PRAMEF11: variants seen among roughly 807,000 people sequenced by gnomAD.
PRAMEF11 encodes the protein PRAME family member 11.
PRAMEF11 carries 17 observed loss-of-function variants against 33.6 expected under a neutral mutation model. The ratio of observed to expected loss-of-function variants is 0.51; its 90% CI spans 0.35 to 0.76. The LOEUF (loss-of-function observed/expected upper bound fraction) is 0.76, where lower values mean the gene tolerates loss of function less well. PRAMEF11 is among the 30% of genes least tolerant of loss of function. The pLI is 0.01. For missense variants in PRAMEF11, 568 were observed against 567.0 expected (o/e 1.00, Z -0.02); for synonymous variants, 205 against 227.3 (o/e 0.90, Z 0.88).
Position 12,827,226 on chromosome 1 carries a change from G to A in PRAMEF11, c.875+23C>T, listed in dbSNP as rs537568186. The A allele has an allele frequency of 9.5e-5, 150 of 1,570,686 alleles. 1 individual carries two copies. The African/African-American group carries it at 1.8e-3, about 19-fold the overall frequency. On this transcript the variant is annotated intron_variant, in intron 3 of 3. Transcript: ENST00000619922. ...AACAGGCTCTGCTGTGGTCTGCAGA[G>A]AAAGCTCACCACCCTCCCTCACCTG...
intron 3 of PRAMEF11, among the ~76,000 whole-genome samples, chr1:12,826,705 C>A (rs777815598): frequency 1.3e-5 from 2 of 150,018 alleles, no homozygotes; most frequent in African/African-American, 4.9e-5. Flanking sequence ...GAAGTTGCTG[C>A]GAGCTGAGAT....
intron 1 of PRAMEF11, among the ~76,000 whole-genome samples, chr1:12,830,928 G>T (rs1238413603): frequency 6.7e-6 from 1 of 150,262 alleles, no homozygotes; most frequent in African/African-American, 2.4e-5. Flanking sequence ...GGGAGGTAAA[G>T]GTTGCAGTGA....
chr1:12,831,120 A>T (rs552716901), intron 1 of PRAMEF11, among the ~76,000 whole-genome samples: 1 of 150,596 alleles, frequency 6.6e-6, no homozygotes, highest in Non-Finnish European at 1.5e-5. Flanking sequence ...GGTTAAAGGC[A>T]TGAGTCACTG....
At position 12,825,059 on chromosome 1, in the gene PRAMEF11, C is replaced by T. The variant is rs771228661; in HGVS notation, c.1320G>A (p.Leu440=). The change falls in exon 4 of 4, where the codon CTG becomes CTA. Residue 440 remains leucine, a synonymous_variant. Transcript: ENST00000619922. The part of the protein sequence containing the change: ...WSRFAQIRAE[L]MKKVRHLRHP... ...GCCTTAAGTGCCTCACTTTCTTCAT[C>T]AGCTCAGCCCTAATTTGAGCAAATC... 2 of 1,609,800 alleles carry T rather than the reference C, an allele frequency of 1.2e-6. No individual in the cohort carries two copies. The highest frequency in any genetic ancestry group is 4.5e-5 in the East Asian group (2 of 44,378).
At position 12,827,491 on chromosome 1, in the gene PRAMEF11, C is replaced by G. The variant is rs1331994658; in HGVS notation, c.633G>C (p.Glu211Asp). The G allele has an allele frequency of 4.3e-6, 7 of 1,611,224 alleles. 1 individual carries two copies. Among genetic ancestry groups the G allele is most frequent in the Non-Finnish European group, 5.1e-6 (6 of 1,179,320 alleles). ...GTATCCACTTGCAATTCACTTCCACCTCCTGGATACAGTCTAGGTTCACCA... is the reference window on the plus strand; with the variant it reads ...GTATCCACTTGCAATTCACTTCCACGTCCTGGATACAGTCTAGGTTCACCA... ...LKMVNLDCIQ[E>D]VEVNCKWILP... Residue 211 changes from glutamate (E) to aspartate (D), a missense_variant, in exon 3 of 4, where the codon GAG (glutamate) becomes GAC (aspartate). Glu to Asp is a conservative substitution (Grantham distance 45). Transcript: ENST00000619922.
intron 1 of PRAMEF11, among the ~76,000 whole-genome samples, chr1:12,829,318 CTT>C: frequency 6.7e-6 from 1 of 149,324 alleles, no homozygotes; most frequent in Non-Finnish European, 1.5e-5. Flanking sequence ...TCCCTTCTTT[CTT>C]TCTTTCCTCC....
chr1:12,827,993 G>GTTT (rs35409208), intron 2 of PRAMEF11, among the ~76,000 whole-genome samples, 163 bp from the exon 3 acceptor site: 1 of 144,032 alleles, frequency 6.9e-6, no homozygotes, highest in South Asian at 2.3e-4. Flanking sequence ...ACATTTTTTT[G>GTTT]TTTTTTTTTT....
chr1:12,826,202 C>T (rs1012847915), intron 3 of PRAMEF11, among the ~76,000 whole-genome samples: 1 of 151,154 alleles, frequency 6.6e-6, no homozygotes, highest in Non-Finnish European at 1.5e-5. Flanking sequence ...GCGTCCCTGA[C>T]ACACCTGTAT....
rs535389174 is a variant in PRAMEF11, at chr1:12,827,975, C to T, written c.294-145G>A. Reference sequence around the variant, plus strand: ...ACCCTGTTTTCCCCTTGGATCCTACCCACTTCCACATTTTTTTGTTTTTTT... The same window carrying T: ...ACCCTGTTTTCCCCTTGGATCCTACTCACTTCCACATTTTTTTGTTTTTTT... On this transcript the variant is annotated intron_variant, in intron 2 of 3. Transcript: ENST00000619922. 2.8e-6 allele frequency: 4 copies of T among 1,434,032 alleles called. No homozygotes were observed. The African/African-American group carries it at 6.0e-5, about 21-fold the overall frequency. 88.8% of individuals were successfully genotyped at this position (1,434,032 alleles called of 1,614,324 possible). A position where few individuals can be genotyped will look rare whatever the true frequency, so the allele number is the denominator to read the frequency against.
At position 12,828,452 on chromosome 1, in the gene PRAMEF11, T is replaced by G. The variant is rs567777468; in HGVS notation, c.293+45A>C. On this transcript the variant is annotated intron_variant, in intron 2 of 3. Transcript: ENST00000619922. ...TCACATGACCCAGCTGTTCCTTCAGTTGGACACCTGGGCCCTCCCCACCAG... is the reference window on the plus strand; with the variant it reads ...TCACATGACCCAGCTGTTCCTTCAGGTGGACACCTGGGCCCTCCCCACCAG... 1.5e-4 allele frequency: 228 copies of G among 1,570,272 alleles called. 1 individual carries two copies. In the African/African-American group the frequency reaches 3.0e-3, roughly 21 times the overall value.
At chr1:12,828,922 C>T (rs1404347370) in intron 1 of PRAMEF11, 117 bp from the exon 2 acceptor site, 1 of 1,438,908 alleles carries the variant, frequency 6.9e-7, no homozygotes, top group African/African-American at 1.4e-5. Flanking sequence ...CCTCAGTTTA[C>T]TCCAATTCTA....
intron 1 of PRAMEF11, among the ~76,000 whole-genome samples, chr1:12,829,022 G>T (rs2982098): frequency 0.51 from 72,186 of 141,376 alleles, 20,087 homozygotes; most frequent in African/African-American, 0.78. Flanking sequence ...GGGCCACCAC[G>T]AGCCCTTCCT....
chr1:12,827,659 A>G lies in PRAMEF11; in HGVS notation c.465T>C (p.Leu155=), dbSNP rs575414630. 2 of 1,609,568 alleles carry G rather than the reference A, an allele frequency of 1.2e-6. No homozygotes were observed. The highest frequency in any genetic ancestry group is 2.2e-5 in the South Asian group (2 of 90,452). ...GRQPLTVFVE[L]WLKNRTLDEY... is the part of the protein sequence containing the mutation. ...CATCCAGAGTCCTGTTCTTGAGCCA[A>G]AGTTCTACAAACACAGTCAAGGGCT... Residue 155 remains leucine (L), a synonymous_variant, in exon 3 of 4, where the codon CTT becomes CTC. Coordinates refer to ENST00000619922, the MANE Select transcript of PRAMEF11 (RefSeq NM_001146344.3).
chr1:12,827,442 G>C lies in PRAMEF11; in HGVS notation c.682C>G (p.Pro228Ala). The C allele has an allele frequency of 2.5e-6, 4 of 1,609,644 alleles. No individual in the cohort carries two copies. Among genetic ancestry groups the C allele is most frequent in the Non-Finnish European group, 3.4e-6 (4 of 1,178,822 alleles). ...WILPILTQFT[P>A]YLGHLRNLQK... is the part of the protein sequence containing the mutation. ...AGATTCCTCAAGTGGCCCAGGTATG[G>C]GGTAAACTGTGTCAGGATGGGCAGT... The change falls in exon 3 of 4, where the codon CCA (proline) becomes GCA (alanine). Residue 228 changes from proline to alanine, a missense_variant. Coordinates refer to ENST00000619922, the MANE Select transcript of PRAMEF11 (RefSeq NM_001146344.3).
At position 12,829,186 on chromosome 1, in the gene PRAMEF11, A is replaced by C. The variant is rs77282186; in HGVS notation, c.-16-381T>G. On this transcript the variant is annotated intron_variant, in intron 1 of 3. Transcript: ENST00000619922. ...TACATGCCCACAATTTCAGTTCCTA[A>C]AAATAAGCTTGTTGGGAACATTCAT... 3.8e-3 allele frequency among the ~76,000 whole-genome samples: 556 copies of C among 147,958 alleles called. 21 individuals carry two copies. Among genetic ancestry groups the C allele is most frequent in the Middle Eastern group, 7.0e-3 (2 of 284 alleles).
chr1:12,831,257 A>G (rs561992665), intron 1 of PRAMEF11, 99 bp downstream of exon 1: 14 of 151,426 alleles, frequency 9.2e-5, no homozygotes, highest in African/African-American at 2.9e-4. Flanking sequence ...AAAAAAGGAC[A>G]GGATATAGCT....
chr1:12,828,571 C>A lies in PRAMEF11; in HGVS notation c.219G>T (p.Lys73Asn). The stretch of plus-strand genomic sequence containing the variant: ...CTTGGAAGGCCTCCAGACAAGGCAT[C>A]TTTATCAGAGGCCTCAGAGGGAGGC... Reference protein sequence around the residue: ...FRRLPLRPLIKMPCLEAFQAV... With the variant: ...FRRLPLRPLINMPCLEAFQAV... Residue 73 changes from lysine (K) to asparagine (N), a missense_variant, in exon 2 of 4, where the codon AAG (lysine) becomes AAT (asparagine). By Grantham distance (94) the Lys-to-Asn change is moderately conservative. Around this residue, in one of 3 missense-constraint regions of PRAMEF11, gnomAD observed 342 missense variants for 312.0 expected, o/e 1.10. Coordinates refer to ENST00000619922, the MANE Select transcript of PRAMEF11 (RefSeq NM_001146344.3). The A allele has an allele frequency of 6.2e-7, 1 of 1,606,402 alleles. No homozygotes were observed. The highest frequency in any genetic ancestry group is 2.3e-5 in the East Asian group (1 of 44,258).
At chr1:12,829,088 C>G (rs1307008316) in intron 1 of PRAMEF11, among the ~76,000 whole-genome samples, 2 of 151,450 alleles carry the variant, frequency 1.3e-5, no homozygotes, top group Non-Finnish European at 2.9e-5. Context: ...TGAAAGTGAA[C>G]CCCTCCTACC....
intron 1 of PRAMEF11, among the ~76,000 whole-genome samples, chr1:12,830,442 C>A (rs1041655664): frequency 1.3e-5 from 2 of 151,364 alleles, no homozygotes; most frequent in Admixed American, 6.6e-5. Context: ...CATGCACCCC[C>A]CACAGCCATG....
Sources: allele counts gnomAD v4.1 joint callset (sites outside exome capture counted in the v4.1 genomes callset), GRCh38; gene constraint gnomAD v4.1.1; regional missense constraint gnomAD v4.1.1; transcripts MANE v1.5; gene names NCBI Gene and HGNC (gene_info 2026-07-23, HGNC 2026-07-21).